Variants in NLGN1 observed in about 807,000 individuals in gnomAD.
NLGN1 encodes the protein neuroligin 1.
NLGN1 carries 12 observed loss-of-function variants against 65.5 expected under a neutral mutation model. The observed-to-expected ratio is 0.18, with a 90% CI of 0.12 to 0.30. NLGN1 has a LOEUF of 0.30. Ranked by LOEUF, NLGN1 falls within the 10% of genes least tolerant of loss-of-function variation. NLGN1 has a pLI of 1.00. For synonymous variants in NLGN1, 350 were observed against 359.5 expected, an observed-to-expected ratio of 0.97 and a Z score of 0.30; for missense variants, 750 against 1,007.1, an observed-to-expected ratio of 0.74 and a Z score of 3.46.
intron 4 of NLGN1, among the ~76,000 whole-genome samples, chr3:174,031,667 G>A (rs1429411867): frequency 6.6e-6 from 1 of 152,028 alleles, no homozygotes; most frequent in Non-Finnish European, 1.5e-5. Flanking sequence ...TTAATAGAAG[G>A]TTTAGAATAT....
chr3:173,419,996 A>C (rs1188359468), intron 1 of NLGN1, among the ~76,000 whole-genome samples: 1 of 150,168 alleles, frequency 6.7e-6, no homozygotes, highest in Non-Finnish European at 1.5e-5. Context: ...ATAAAATAAA[A>C]TAAAGTAAAA....
chr3:173,763,732 A>G (rs1348110301), intron 3 of NLGN1, among the ~76,000 whole-genome samples: 1 of 152,102 alleles, frequency 6.6e-6, no homozygotes, highest in Non-Finnish European at 1.5e-5. Context: ...GGTATGAGGA[A>G]GAAAAATATT....
intron 4 of NLGN1, among the ~76,000 whole-genome samples, chr3:173,837,003 T>C (rs1381902406): frequency 1.3e-5 from 2 of 152,134 alleles, no homozygotes; most frequent in Non-Finnish European, 2.9e-5. Flanking sequence ...AACACTATAA[T>C]ATGTGTTATG....
chr3:173,625,347 C>G (rs1754658065), intron 3 of NLGN1, among the ~76,000 whole-genome samples: 2 of 152,042 alleles, frequency 1.3e-5, no homozygotes, highest in Admixed American at 6.6e-5. Flanking sequence ...TCCCCTCCCC[C>G]CAGCACACGT....
At chr3:173,903,049 A>C (rs997377826) in intron 4 of NLGN1, among the ~76,000 whole-genome samples, 1 of 152,144 alleles carries the variant, frequency 6.6e-6, no homozygotes, top group Non-Finnish European at 1.5e-5. Context: ...TATGCAGATG[A>C]ATAGCACTGT....
intron 4 of NLGN1, among the ~76,000 whole-genome samples, chr3:174,027,428 C>A (rs1262873114): frequency 2.6e-5 from 4 of 152,234 alleles, no homozygotes; most frequent in African/African-American, 9.6e-5. Flanking sequence ...AAAAGACTAG[C>A]AAGTAGGTTC....
At chr3:173,682,980 T>C (rs1439419602) in intron 3 of NLGN1, among the ~76,000 whole-genome samples, 2 of 152,224 alleles carry the variant, frequency 1.3e-5, no homozygotes, top group African/African-American at 4.8e-5. Flanking sequence ...TTTTATTAAA[T>C]TGTCATGTAA....
chr3:173,979,560 G>A (rs1718305524), intron 4 of NLGN1, among the ~76,000 whole-genome samples: 1 of 152,078 alleles, frequency 6.6e-6, no homozygotes. Context: ...GTGACAATGT[G>A]AAGACACCAA....
chr3:173,511,208 A>G (rs973283986), intron 2 of NLGN1, among the ~76,000 whole-genome samples: 3 of 152,134 alleles, frequency 2.0e-5, no homozygotes, highest in African/African-American at 7.2e-5. Context: ...GCAAACGACA[A>G]GTTGTTTTTG....
intron 4 of NLGN1, among the ~76,000 whole-genome samples, chr3:173,834,712 T>A (rs879288444): frequency 1.3e-5 from 2 of 152,188 alleles, no homozygotes; most frequent in African/African-American, 4.8e-5. Context: ...TCAGAAAAGT[T>A]AAGCAACTTA....
intron 4 of NLGN1, among the ~76,000 whole-genome samples, chr3:174,128,074 G>A (rs1349470077): frequency 6.6e-6 from 1 of 152,104 alleles, no homozygotes; most frequent in Non-Finnish European, 1.5e-5. Flanking sequence ...CTGAATGAAT[G>A]ACTTAATGCT....
intron 2 of NLGN1, among the ~76,000 whole-genome samples, chr3:173,496,082 A>G (rs1367568561): frequency 1.3e-5 from 2 of 151,590 alleles, no homozygotes; most frequent in East Asian, 1.9e-4. Context: ...TGTGCTACCA[A>G]TTATACTTGG....
At chr3:173,478,450 T>C (rs989312377) in intron 2 of NLGN1, among the ~76,000 whole-genome samples, 1 of 152,138 alleles carries the variant, frequency 6.6e-6, no homozygotes, top group South Asian at 2.1e-4. Flanking sequence ...CATACAGGGC[T>C]TAACACCTAG....
chr3:174,182,370 G>A (rs1296588565), intron 4 of NLGN1, among the ~76,000 whole-genome samples: 1 of 152,024 alleles, frequency 6.6e-6, no homozygotes, highest in East Asian at 1.9e-4. Flanking sequence ...CCTACAATAT[G>A]TTCCAAACTT....
chr3:173,847,614 A>T (rs961899608), intron 4 of NLGN1, among the ~76,000 whole-genome samples: 2 of 152,136 alleles, frequency 1.3e-5, no homozygotes, highest in Admixed American at 1.3e-4. Flanking sequence ...TTTAAAATGT[A>T]TTGTATTATT....
intron 3 of NLGN1, among the ~76,000 whole-genome samples, chr3:173,728,734 G>A (rs78598193): frequency 1.5e-4 from 23 of 152,164 alleles, no homozygotes; most frequent in Middle Eastern, 6.8e-3. Flanking sequence ...TTTAAATGAG[G>A]CAGCTATAAG....
intron 3 of NLGN1, among the ~76,000 whole-genome samples, chr3:173,771,796 G>A (rs530292975): frequency 2.0e-5 from 3 of 151,846 alleles, no homozygotes; most frequent in Admixed American, 1.3e-4. Context: ...TGTCCATACC[G>A]TATTGTAGTG....
At position 173,502,565 on chromosome 3, in the gene NLGN1, G is replaced by C. The variant is rs1236471959; in HGVS notation, c.-321+67487G>C. On this transcript the variant is annotated intron_variant, in intron 2 of 6. Transcript: ENST00000457714. ...GAGCACACGTTTCAAGTTCACTTAT[G>C]TGTGTGCACGTATGTGTGTATGTTT... Among the ~76,000 whole-genome samples, 5 of 152,228 alleles carry C rather than the reference G, an allele frequency of 3.3e-5. No individual in the cohort carries two copies. In the East Asian group the frequency reaches 7.7e-4, roughly 23 times the overall value.
chr3:173,478,718 C>T (rs1210174181), intron 2 of NLGN1, among the ~76,000 whole-genome samples: 2 of 151,742 alleles, frequency 1.3e-5, no homozygotes, highest in Admixed American at 1.3e-4. Flanking sequence ...GCCAGGAGTT[C>T]GAGACCAGCC....
Sources: gnomAD v4.1 joint callset for allele counts (sites outside exome capture counted in the v4.1 genomes callset) on GRCh38, gnomAD v4.1.1 for gene constraint, MANE v1.5 for transcripts, NCBI Gene and HGNC (gene_info 2026-07-23, HGNC 2026-07-21) for gene names.